The following MLANA variants were observed in gnomAD, a reference collection of about 807,000 sequenced individuals.
The protein encoded by MLANA is melanoma antigen recognized by T-cells 1.
Under a neutral mutation model 15.7 loss-of-function variants are expected in MLANA, and 21 were observed. That is an observed-to-expected ratio of 1.33 (90% CI 0.95 to 1.92). The LOEUF is 1.92. MLANA is among the 40% of genes most tolerant of loss of function. MLANA has a pLI of 0.00. For missense variants in MLANA, 164 were observed against 143.8 expected, an observed-to-expected ratio of 1.14 and a Z score of -0.72; for synonymous variants, 56 against 51.5, an observed-to-expected ratio of 1.09 and a Z score of -0.37.
At chr9:5,891,939 G>T (rs933962368) in intron 1 of MLANA, among the ~76,000 whole-genome samples, 4 of 152,162 alleles carry the variant, frequency 2.6e-5, no homozygotes, top group African/African-American at 9.7e-5. Context: ...ATGCACCCTC[G>T]CGAGGCACAG....
chr9:5,902,874 T>C (rs1190653546), intron 3 of MLANA, among the ~76,000 whole-genome samples: 1 of 152,148 alleles, frequency 6.6e-6, no homozygotes, highest in Non-Finnish European at 1.5e-5. Flanking sequence ...TTGGATTTAA[T>C]TTGCTGTTCT....
At chr9:5,897,298 G>A (rs1000449400) in intron 2 of MLANA, among the ~76,000 whole-genome samples, 1 of 152,186 alleles carries the variant, frequency 6.6e-6, no homozygotes, top group Non-Finnish European at 1.5e-5. Context: ...CTCATACCTG[G>A]AACTTGGGTG....
intron 3 of MLANA, among the ~76,000 whole-genome samples, chr9:5,899,581 A>G (rs1464483553): frequency 6.6e-6 from 1 of 152,208 alleles, no homozygotes; most frequent in African/African-American, 2.4e-5. Context: ...CTTGGGTTAG[A>G]AAGTTAGGGA....
chr9:5,900,243 G>C (rs1208193148), intron 3 of MLANA, among the ~76,000 whole-genome samples: 1 of 152,106 alleles, frequency 6.6e-6, no homozygotes, highest in Non-Finnish European at 1.5e-5. Flanking sequence ...CATTTTGCTT[G>C]GTAAGTTTCA....
intron 2 of MLANA, among the ~76,000 whole-genome samples, chr9:5,897,277 C>T (rs1192125665): frequency 1.3e-5 from 2 of 152,196 alleles, no homozygotes; most frequent in Non-Finnish European, 2.9e-5. Flanking sequence ...AGACCAGTTA[C>T]TATGGCACTT....
chr9:5,907,717 C>T lies in MLANA; in HGVS notation c.288+719C>T, dbSNP rs757108307. On this transcript the variant is annotated intron_variant, in intron 4 of 4. Coordinates refer to ENST00000381477, the MANE Select transcript of MLANA (RefSeq NM_005511.2). Reference sequence around the variant, plus strand: ...CCTGTAATCCCAGCACTTCGGGAGGCCGAGGTGGGTGGATCACCTGATCTC... The same window carrying T: ...CCTGTAATCCCAGCACTTCGGGAGGTCGAGGTGGGTGGATCACCTGATCTC... 3.3e-5 allele frequency among the ~76,000 whole-genome samples: 5 copies of T among 152,308 alleles called. No homozygotes were observed. The South Asian group carries it at 1.0e-3, about 32-fold the overall frequency.
At chr9:5,891,694 A>T (rs1018390717) in intron 1 of MLANA, among the ~76,000 whole-genome samples, 24 of 152,222 alleles carry the variant, frequency 1.6e-4, no homozygotes, top group Non-Finnish European at 3.4e-4. Flanking sequence ...TTTGTTGTTC[A>T]TTTGTATGTG....
chr9:5,891,822 G>A (rs1414419829), intron 1 of MLANA, among the ~76,000 whole-genome samples: 2 of 152,186 alleles, frequency 1.3e-5, no homozygotes, highest in Non-Finnish European at 2.9e-5. Context: ...GGGCTTCCTC[G>A]GCTTGTTTTG....
At chr9:5,897,401 G>GGGT (rs1269005055) in intron 2 of MLANA, among the ~76,000 whole-genome samples, 156 bp from the exon 3 acceptor site, 4 of 152,208 alleles carry the variant, frequency 2.6e-5, no homozygotes, top group Admixed American at 2.6e-4. Flanking sequence ...AGGCCTGGTG[G>GGGT]GGTGCCCAGT....
rs115250989 is a variant in MLANA, at chr9:5,908,426, C to T, written c.289-214C>T. ...TAAGCTTTTGAGATTTTGGGAACTC[C>T]TTAACCCTATTTTTCTCTACTCTTG... On this transcript the variant is annotated intron_variant, in intron 4 of 4. Coordinates refer to ENST00000381477, the MANE Select transcript of MLANA (RefSeq NM_005511.2). Among the ~76,000 whole-genome samples the T allele has an allele frequency of 4.3e-3, 651 of 152,230 alleles. 5 individuals are homozygous for T. The highest frequency in any genetic ancestry group is 0.015 in the African/African-American group (618 of 41,542).
At chr9:5,895,701 C>T (rs146723385) in intron 2 of MLANA, among the ~76,000 whole-genome samples, 1 of 152,150 alleles carries the variant, frequency 6.6e-6, no homozygotes, top group African/African-American at 2.4e-5. Context: ...ATTGGGTAGG[C>T]CAGGGGTGGA....
chr9:5,899,630 T>G (rs151290569), intron 3 of MLANA, among the ~76,000 whole-genome samples: 122 of 152,202 alleles, frequency 8.0e-4, no homozygotes, highest in African/African-American at 2.8e-3. Context: ...AACAGGTTAG[T>G]AGGGGAGGAC....
chr9:5,894,435 G>C lies in MLANA; in HGVS notation c.77+1884G>C, dbSNP rs971805500. Among the ~76,000 whole-genome samples, 6 of 152,176 alleles carry C rather than the reference G, an allele frequency of 3.9e-5. No homozygotes were observed. Among genetic ancestry groups the C allele is most frequent in the African/African-American group, 1.4e-4 (6 of 41,426 alleles). On this transcript the variant is annotated intron_variant, in intron 2 of 4. Transcript: ENST00000381477. This position sits in a 1 kb window ranked among gnomAD's most constrained non-coding sequence, Gnocchi z 4.0. ...AATGCTGCTTCTACCCCCGTGTCTGGGGTAACAAACGGAAGGGTGAGGCCA... is the reference window on the plus strand; with the variant it reads ...AATGCTGCTTCTACCCCCGTGTCTGCGGTAACAAACGGAAGGGTGAGGCCA...
chr9:5,898,818 A>T (rs1249678744), intron 3 of MLANA: 1 of 152,210 alleles, frequency 6.6e-6, no homozygotes, highest in East Asian at 1.9e-4. Flanking sequence ...ATCCCAGGAT[A>T]TCATCAGTGC....
Position 5,909,787 on chromosome 9 carries a change from A to G in MLANA, c.*1079A>G, listed in dbSNP as rs1026672225. 6.6e-5 allele frequency: 10 copies of G among 152,224 alleles called. No homozygotes were observed. Among genetic ancestry groups the G allele is most frequent in the African/African-American group, 2.4e-4 (10 of 41,452 alleles). The allele number at this position is 152,224 out of a possible 1,614,324, so 9.4% of individuals were successfully genotyped here. Reference sequence around the variant, plus strand: ...GGGTTCCCAAATCCCTCTCACAAGAATGTGCAGAAGAAATCATAAAGGATC... The same window carrying G: ...GGGTTCCCAAATCCCTCTCACAAGAGTGTGCAGAAGAAATCATAAAGGATC... On this transcript the variant is annotated 3_prime_UTR_variant, in exon 5 of 5. Coordinates refer to ENST00000381477, the MANE Select transcript of MLANA (RefSeq NM_005511.2).
At chr9:5,906,468 A>G (rs73395393) in intron 3 of MLANA, among the ~76,000 whole-genome samples, 1,975 of 152,356 alleles carry the variant, frequency 0.013, 29 homozygotes, top group African/African-American at 0.043. Context: ...AAGAACTTCA[A>G]AAGTTTCCTG....
chr9:5,903,426 G>GT (rs1308578379), intron 3 of MLANA, among the ~76,000 whole-genome samples: 1 of 151,974 alleles, frequency 6.6e-6, no homozygotes, highest in African/African-American at 2.4e-5. Flanking sequence ...ATGTTGTTGA[G>GT]TTTTTTTGCA....
chr9:5,892,639 A>T (rs1400949223), intron 2 of MLANA, 88 bp downstream of exon 2: 1 of 1,028,332 alleles, frequency 9.7e-7, no homozygotes, highest in African/African-American at 1.6e-5. Context: ...GCCTGCTCGT[A>T]AATCTCCCTA....
At chr9:5,891,362 C>T (rs1421926496) in intron 1 of MLANA, 3 of 152,186 alleles carry the variant, frequency 2.0e-5, no homozygotes, top group Non-Finnish European at 2.9e-5. Context: ...TCATTTTGAA[C>T]ACAGGGTTCA....
Sources: gnomAD v4.1 joint callset for allele counts (sites outside exome capture counted in the v4.1 genomes callset) on GRCh38, gnomAD v4.1.1 for gene constraint, Gnocchi (gnomAD v3.1) non-coding constraint, MANE v1.5 for transcripts, NCBI Gene and HGNC (gene_info 2026-07-23, HGNC 2026-07-21) for gene names.